The following LAMB3 variants were observed in gnomAD, a reference collection of about 807,000 sequenced individuals.
LAMB3 encodes the protein laminin subunit beta 3, also known as laminin subunit beta-3.
LAMB3 carries 104 observed loss-of-function variants against 140.3 expected under a neutral mutation model. The observed-to-expected ratio is 0.74, with a 90% CI of 0.63 to 0.87. The LOEUF (loss-of-function observed/expected upper bound fraction) is 0.87, where lower values mean the gene tolerates loss of function less well. Among genes scored for constraint, LAMB3 ranks in the 40% least tolerant of loss-of-function variants. The pLI is 0.00. For missense variants in LAMB3, 1,531 were observed against 1,575.2 expected (o/e 0.97, Z 0.47); for synonymous variants, 592 against 602.9 (o/e 0.98, Z 0.26).
intron 18 of LAMB3, among the ~76,000 whole-genome samples, chr1:209,620,653 G>T (rs540120169): frequency 7.2e-5 from 11 of 152,232 alleles, no homozygotes; most frequent in Non-Finnish European, 1.5e-4. Context: ...TAGGCAAGTT[G>T]CTTAACCTCT....
chr1:209,633,764 G>T (rs1336880659), intron 6 of LAMB3, among the ~76,000 whole-genome samples: 1 of 152,200 alleles, frequency 6.6e-6, no homozygotes, highest in Non-Finnish European at 1.5e-5. Flanking sequence ...CTGAGCATCG[G>T]TCCACATGAG....
chr1:209,652,048 C>T (rs2076572388), intron 1 of LAMB3, among the ~76,000 whole-genome samples: 1 of 152,172 alleles, frequency 6.6e-6, no homozygotes, highest in Admixed American at 6.5e-5. Context: ...TTCTGACTTT[C>T]ATCCAGTGCT....
rs543375285 is a variant in LAMB3, at chr1:209,620,159, G to A, written c.2702-1500C>T. 4.1e-4 allele frequency among the ~76,000 whole-genome samples: 63 copies of A among 152,286 alleles called. 1 individual carries two copies. Among genetic ancestry groups the A allele is most frequent in the Admixed American group, 5.2e-4 (8 of 15,296 alleles). On this transcript the variant is annotated intron_variant, in intron 18 of 22. Transcript: ENST00000356082. The stretch of plus-strand genomic sequence containing the variant: ...GACATTCAGTCGCAGAGCCTTCTGG[G>A]TCTCAGGATGGGCTCAGTAAATATT...
In LAMB3 at chr1:209,638,000, G is replaced by C; in HGVS notation, c.299-19C>G. The stretch of plus-strand genomic sequence containing the variant: ...TTCACATCTGGAAGGACAAAAAATA[G>C]AAACTGTCATCCAGAGACTGTCCAC... On this transcript the variant is annotated intron_variant, in intron 4 of 22. Coordinates refer to ENST00000356082, the MANE Select transcript of LAMB3 (RefSeq NM_000228.3). The C allele has an allele frequency of 1.2e-6, 2 of 1,602,878 alleles. No individual in the cohort carries two copies. Among genetic ancestry groups the C allele is most frequent in the Non-Finnish European group, 1.7e-6 (2 of 1,172,290 alleles).
intron 6 of LAMB3, 30 bp downstream of exon 6, chr1:209,634,417 G>A (rs1666815552): frequency 1.9e-6 from 3 of 1,604,798 alleles, no homozygotes; most frequent in Non-Finnish European, 2.6e-6. Flanking sequence ...TTTCTCCCCA[G>A]GCCTACTTTT....
Position 209,629,751 on chromosome 1 carries a change from T to C in LAMB3, c.1118A>G (p.Gln373Arg), listed in dbSNP as rs1319320885. The change falls in exon 10 of 23, where the codon CAG (glutamine) becomes CGG (arginine). Residue 373 changes from glutamine (Q) to arginine (R), a missense_variant. By Grantham distance (43) the Gln-to-Arg change is conservative. Transcript: ENST00000356082. ...FRNRRPGASIQETCISCECDP... is the reference protein window; with the variant it reads ...FRNRRPGASIRETCISCECDP... Reference sequence around the variant, plus strand: ...CCTCTACTCACAGATGCAGGTCTCCTGAATGGAAGCTCCCGGGCGCCGGTT... The same window carrying C: ...CCTCTACTCACAGATGCAGGTCTCCCGAATGGAAGCTCCCGGGCGCCGGTT... 1 of 1,614,096 alleles carries C rather than the reference T, an allele frequency of 6.2e-7. No homozygotes were observed. Among genetic ancestry groups the C allele is most frequent in the Non-Finnish European group, 8.5e-7 (1 of 1,180,036 alleles).
intron 19 of LAMB3, 47 bp downstream of exon 19, chr1:209,618,405 G>C: frequency 6.3e-7 from 1 of 1,588,438 alleles, no homozygotes; most frequent in Non-Finnish European, 8.6e-7. Flanking sequence ...GGAGCAAAAC[G>C]CCAGCTTAAT....
intron 3 of LAMB3, among the ~76,000 whole-genome samples, chr1:209,639,621 A>C (rs2076446309): frequency 9.3e-5 from 1 of 10,750 alleles, no homozygotes; most frequent in Non-Finnish European, 1.4e-4. Flanking sequence ...ATACATATAC[A>C]CATACACACA....
intron 21 of LAMB3, 48 bp downstream of exon 21, chr1:209,617,362 C>G (rs41274828): frequency 0.023 from 36,227 of 1,580,382 alleles, 500 homozygotes; most frequent in Non-Finnish European, 0.027. Flanking sequence ...CTGCTCAGGA[C>G]CCCCTCACTG....
Position 209,645,593 on chromosome 1 carries a change from G to A in LAMB3, c.183+4371C>T, listed in dbSNP as rs369985561. ...CAACTGGGCATGGTGGCATATGCCT[G>A]TAATCCCAGCTACTCAGGAAGCTGA... On this transcript the variant is annotated intron_variant, in intron 3 of 22. Coordinates refer to ENST00000356082, the MANE Select transcript of LAMB3 (RefSeq NM_000228.3). Among the ~76,000 whole-genome samples the A allele has an allele frequency of 2.0e-4, 30 of 152,158 alleles. No homozygotes were observed. The South Asian group carries it at 2.5e-3, about 13-fold the overall frequency.
intron 5 of LAMB3, among the ~76,000 whole-genome samples, chr1:209,637,322 C>T (rs1418658734): frequency 6.6e-6 from 1 of 152,098 alleles, no homozygotes; most frequent in African/African-American, 2.4e-5. Context: ...GAATATCTGA[C>T]TATTTCTGTA....
intron 11 of LAMB3, 84 bp from the exon 12 acceptor site, chr1:209,627,663 G>T: frequency 1.5e-6 from 2 of 1,309,918 alleles, no homozygotes; most frequent in Non-Finnish European, 2.2e-6. Flanking sequence ...GAGGGGCGCT[G>T]CCTGGGAAAA....
At chr1:209,617,835 A>G (rs977239594) in intron 20 of LAMB3, 72 bp downstream of exon 20, 22 of 1,594,748 alleles carry the variant, frequency 1.4e-5, no homozygotes, top group Non-Finnish European at 1.9e-5. Flanking sequence ...ACTTTCTGGC[A>G]TTTTCTATGC....
intron 1 of LAMB3, among the ~76,000 whole-genome samples, chr1:209,651,924 C>A (rs573647709): frequency 1.3e-5 from 2 of 152,226 alleles, no homozygotes; most frequent in South Asian, 4.1e-4. Context: ...AATTATAGAT[C>A]CTAATGCTTC....
Position 209,630,735 on chromosome 1 carries a change from C to G in LAMB3, c.823G>C (p.Val275Leu). ...ASAGPSTAVQ[V>L]HDVCVCQHNT... ...TGCTGGCAGACACAGACATCGTGGA[C>G]CTGGGAGGGGGACCGTCAGCCATCA... Residue 275 changes from valine to leucine, a missense_variant and splice_region_variant, in exon 9 of 23, where the codon GTC (valine) becomes CTC (leucine). By Grantham distance (32) the Val-to-Leu change is conservative. Coordinates refer to ENST00000356082, the MANE Select transcript of LAMB3 (RefSeq NM_000228.3). 2 of 1,613,826 alleles carry G rather than the reference C, an allele frequency of 1.2e-6. No homozygotes were observed. The highest frequency in any genetic ancestry group is 2.2e-5 in the South Asian group (2 of 91,048).
At position 209,616,536 on chromosome 1, in the gene LAMB3, T is replaced by C. The variant is rs996927109; in HGVS notation, c.3317A>G (p.Gln1106Arg). ...SMLGEQGARI[Q>R]SVKTEAEELF... ...CTCCTCTGCCTCTGTCTTCACACTC[T>C]GGATCCGGGCACCCTGCTCACCCAG... The change falls in exon 22 of 23, where the codon CAG becomes CGG. Residue 1106 changes from glutamine (Q) to arginine (R), a missense_variant. By Grantham distance (43) the Gln-to-Arg change is conservative (BLOSUM62 1). Coordinates refer to ENST00000356082, the MANE Select transcript of LAMB3 (RefSeq NM_000228.3). 3.7e-6 allele frequency: 6 copies of C among 1,614,196 alleles called. No individual in the cohort carries two copies. Among genetic ancestry groups the C allele is most frequent in the Non-Finnish European group, 5.1e-6 (6 of 1,180,026 alleles).
chr1:209,614,981 A>T lies in LAMB3; in HGVS notation c.*290T>A, dbSNP rs1278935538. Reference sequence around the variant, plus strand: ...TTGGTCCAGGATTCCTCCCCAGTGGAGAACTAAAGGCGGGGGATACTGCCC... The same window carrying T: ...TTGGTCCAGGATTCCTCCCCAGTGGTGAACTAAAGGCGGGGGATACTGCCC... On this transcript the variant is annotated 3_prime_UTR_variant, in exon 23 of 23. Transcript: ENST00000356082. The T allele has an allele frequency of 2.5e-6, 1 of 399,182 alleles. No homozygotes were observed. The highest frequency in any genetic ancestry group is 4.5e-6 in the Non-Finnish European group (1 of 221,334). 24.7% of individuals were successfully genotyped at this position (399,182 alleles called of 1,614,324 possible). A position where few individuals can be genotyped will look rare whatever the true frequency, so the allele number is the denominator to read the frequency against.
chr1:209,639,901 C>A (rs557280049), intron 3 of LAMB3, among the ~76,000 whole-genome samples: 4 of 152,194 alleles, frequency 2.6e-5, no homozygotes, highest in Non-Finnish European at 4.4e-5. Context: ...TGTACCGCTG[C>A]TTTCCTCTAA....
At chr1:209,643,107 C>T (rs940720517) in intron 3 of LAMB3, among the ~76,000 whole-genome samples, 2 of 152,228 alleles carry the variant, frequency 1.3e-5, no homozygotes, top group Non-Finnish European at 2.9e-5. Flanking sequence ...TGCCTGTCAA[C>T]GAGCTAGCAG....
Sources: gnomAD v4.1 joint callset for allele counts (sites outside exome capture counted in the v4.1 genomes callset) on GRCh38, gnomAD v4.1.1 for gene constraint, MANE v1.5 for transcripts, NCBI Gene and HGNC (gene_info 2026-07-23, HGNC 2026-07-21) for gene names.